The following C2CD3 variants were observed in gnomAD, a reference collection of about 807,000 sequenced individuals.
The protein encoded by C2CD3 is C2 domain containing 3 centriole elongation regulator, also known as C2 domain-containing protein 3.
In C2CD3, 148 loss-of-function variants were observed where a neutral mutation model predicts 234.0. The ratio of observed to expected loss-of-function variants is 0.63; its 90% CI spans 0.55 to 0.72. The LOEUF (loss-of-function observed/expected upper bound fraction) is 0.72, where lower values mean the gene tolerates loss of function less well. C2CD3 is among the 30% of genes least tolerant of loss of function. C2CD3 has a pLI of 0.00. For missense variants in C2CD3, 2,577 were observed against 2,811.5 expected (o/e 0.92, Z 1.89); for synonymous variants, 1,000 against 1,035.4 (o/e 0.97, Z 0.66).
At chr11:74,117,000 A>ATGTATATATACGTGTGTG (rs1956989298) in intron 9 of C2CD3, among the ~76,000 whole-genome samples, 2 of 114,210 alleles carry the variant, frequency 1.8e-5, no homozygotes, top group African/African-American at 8.7e-5. Flanking sequence ...ATACGTGTAT[A>ATGTATATATACGTGTGTG]TGTATATATA....
At chr11:74,059,691 C>T (rs1954139074) in intron 24 of C2CD3, among the ~76,000 whole-genome samples, 1 of 152,172 alleles carries the variant, frequency 6.6e-6, no homozygotes, top group African/African-American at 2.4e-5. Flanking sequence ...ATAGGAACAG[C>T]TCCAGTCTGC....
chr11:74,161,076 A>G (rs1856425361), intron 3 of C2CD3, among the ~76,000 whole-genome samples: 1 of 152,242 alleles, frequency 6.6e-6, no homozygotes, highest in Admixed American at 6.5e-5. Flanking sequence ...GCCTACTAAT[A>G]AACAATTTTG....
chr11:74,052,455 T>A (rs1306260699), intron 26 of C2CD3, among the ~76,000 whole-genome samples: 4 of 152,226 alleles, frequency 2.6e-5, no homozygotes. Flanking sequence ...GTTATTATAG[T>A]AAACAGCAGA....
At chr11:74,045,472 C>T (rs1953316376) in intron 28 of C2CD3, among the ~76,000 whole-genome samples, 1 of 152,126 alleles carries the variant, frequency 6.6e-6, no homozygotes, top group African/African-American at 2.4e-5. Flanking sequence ...ATCTGTAGAT[C>T]AACGTGGAGA....
chr11:74,066,689 T>C (rs573110412), intron 24 of C2CD3, among the ~76,000 whole-genome samples: 2 of 152,266 alleles, frequency 1.3e-5, no homozygotes, highest in East Asian at 3.9e-4. Flanking sequence ...ACTGTTTTAT[T>C]ACACAATTAA....
Position 74,093,917 on chromosome 11 carries a change from G to T in C2CD3, c.3243C>A (p.Leu1081=), listed in dbSNP as rs762998965. 6.2e-7 allele frequency: 1 copy of T among 1,614,000 alleles called. No homozygotes were observed. The highest frequency in any genetic ancestry group is 8.5e-7 in the Non-Finnish European group (1 of 1,179,860). The change falls in exon 18 of 33, where the codon CTC becomes CTA. Residue 1081 remains leucine (L), a synonymous_variant. Transcript: ENST00000334126. ...PIFNSEHHHS[L]LLPAEVPVQR... is the part of the protein sequence containing the mutation. ...GCACTGGAACCTCAGCTGGCAACAG[G>T]AGAGAGTGATGGTGTTCACTATTAA...
At chr11:74,120,754 A>C (rs1957184141) in intron 8 of C2CD3, among the ~76,000 whole-genome samples, 2 of 152,214 alleles carry the variant, frequency 1.3e-5, no homozygotes, top group Non-Finnish European at 1.5e-5. Flanking sequence ...ACAGTGTAAA[A>C]GCATTCCTAT....
chr11:74,141,155 C>T (rs971700093), intron 3 of C2CD3, among the ~76,000 whole-genome samples: 5 of 152,154 alleles, frequency 3.3e-5, no homozygotes, highest in Non-Finnish European at 5.9e-5. Context: ...AGATGTTTTA[C>T]GATGTCTCTG....
intron 24 of C2CD3, among the ~76,000 whole-genome samples, chr11:74,071,934 CT>C (rs1241403995): frequency 6.6e-6 from 1 of 151,540 alleles, no homozygotes; most frequent in African/African-American, 2.4e-5. Context: ...GTATATTTTG[CT>C]TTTTTTTAAC....
chr11:74,115,351 CT>C (rs1956888526), intron 9 of C2CD3, among the ~76,000 whole-genome samples: 1 of 151,894 alleles, frequency 6.6e-6, no homozygotes. Context: ...GGACACAGAC[CT>C]TATTTCAGTT....
intron 2 of C2CD3, 122 bp from the exon 3 acceptor site, chr11:74,161,678 A>G: frequency 1.8e-6 from 1 of 542,272 alleles, no homozygotes; most frequent in East Asian, 3.2e-5. Context: ...TTTATGTTGG[A>G]TAACACCATT....
intron 4 of C2CD3, 148 bp from the exon 5 acceptor site, chr11:74,139,115 ATC>A: frequency 1.6e-6 from 1 of 617,982 alleles, no homozygotes; most frequent in Admixed American, 3.1e-5. Flanking sequence ...AACTTTGTAA[ATC>A]TCTTTTTCAT....
chr11:74,096,763 G>A (rs904865117), intron 16 of C2CD3, among the ~76,000 whole-genome samples: 2 of 152,132 alleles, frequency 1.3e-5, no homozygotes, highest in African/African-American at 4.8e-5. Flanking sequence ...AACAGACTTG[G>A]GGATATTAAT....
At chr11:74,030,608 C>G (rs1591287611) in intron 31 of C2CD3, among the ~76,000 whole-genome samples, 1 of 152,196 alleles carries the variant, frequency 6.6e-6, no homozygotes, top group African/African-American at 2.4e-5. Context: ...CATGCCCTGT[C>G]CTGCTTCTCT....
Position 74,132,964 on chromosome 11 carries a change from G to A in C2CD3, c.1097C>T (p.Ala366Val). ...DSLRASTQIRAFSRNRFKDHI... is the reference protein window; with the variant it reads ...DSLRASTQIRVFSRNRFKDHI... ...GTCTTTAAACCGATTCCTAGAAAAG[G>A]CTCTGATCCTAAGGTGTGGAAAAAT... The change falls in exon 7 of 33, where the codon GCC (alanine) becomes GTC (valine). Residue 366 changes from alanine (A) to valine (V), a missense_variant. Coordinates refer to ENST00000334126, the MANE Select transcript of C2CD3 (RefSeq NM_001286577.2). 6.2e-7 allele frequency: 1 copy of A among 1,613,740 alleles called. No homozygotes were observed. The highest frequency in any genetic ancestry group is 8.5e-7 in the Non-Finnish European group (1 of 1,179,752).
Position 74,114,738 on chromosome 11 carries a change from G to T in C2CD3, c.1521-145C>A. ...TATTTTTGACACAGGGTGTTGCTCT[G>T]TCACCCAGGCTGGAGTGCAGTGGCA... On this transcript the variant is annotated intron_variant, in intron 9 of 32. Transcript: ENST00000334126. 4 of 620,794 alleles carry T rather than the reference G, an allele frequency of 6.4e-6. No individual in the cohort carries two copies. In the South Asian group the frequency reaches 7.9e-5, roughly 12 times the overall value. The allele number at this position is 620,794 out of a possible 1,614,324, so 38.5% of individuals were successfully genotyped here. A position where few individuals can be genotyped will look rare whatever the true frequency, so the allele number is the denominator to read the frequency against.
Position 74,168,439 on chromosome 11 carries a change from G to C in C2CD3, c.230C>G (p.Pro77Arg), listed in dbSNP as rs1223396697. ...TGGTTCAGTCTGCAATGCATCCCTGGGACAAAAGAGGGTTCCATCTGATGT... is the reference window on the plus strand; with the variant it reads ...TGGTTCAGTCTGCAATGCATCCCTGCGACAAAAGAGGGTTCCATCTGATGT... ...GETSDGTLFC[P>R]RDALQTEPKA... Residue 77 changes from proline to arginine, a missense_variant, in exon 2 of 33, where the codon CCC (proline) becomes CGC (arginine). By Grantham distance (103) the Pro-to-Arg change is moderately radical. Coordinates refer to ENST00000334126, the MANE Select transcript of C2CD3 (RefSeq NM_001286577.2). The C allele has an allele frequency of 1.2e-6, 2 of 1,613,822 alleles. No individual in the cohort carries two copies. The highest frequency in any genetic ancestry group is 3.3e-5 in the Admixed American group (2 of 60,004).
At chr11:74,060,307 A>T (rs1293893999) in intron 24 of C2CD3, among the ~76,000 whole-genome samples, 2 of 152,190 alleles carry the variant, frequency 1.3e-5, no homozygotes, top group Non-Finnish European at 2.9e-5. Flanking sequence ...CTGAGAACGG[A>T]CAGACTGCCT....
intron 7 of C2CD3, among the ~76,000 whole-genome samples, chr11:74,124,107 G>A (rs1208229125): frequency 1.3e-5 from 2 of 152,106 alleles, no homozygotes; most frequent in Non-Finnish European, 2.9e-5. Flanking sequence ...TGAGGGCAAA[G>A]TATGCATATA....
Sources: gnomAD v4.1 joint callset for allele counts (sites outside exome capture counted in the v4.1 genomes callset) on GRCh38, gnomAD v4.1.1 for gene constraint, MANE v1.5 for transcripts, NCBI Gene and HGNC (gene_info 2026-07-23, HGNC 2026-07-21) for gene names.